The following LRMDA variants were observed in gnomAD, a reference collection of about 807,000 sequenced individuals.
LRMDA encodes leucine rich melanocyte differentiation associated, also known as leucine-rich melanocyte differentiation-associated protein.
Under a neutral mutation model 29.8 loss-of-function variants are expected in LRMDA, and 18 were observed. The observed-to-expected ratio is 0.60, with a 90% CI of 0.42 to 0.90. The LOEUF is 0.90. Ranked by LOEUF, LRMDA falls within the 40% of genes least tolerant of loss-of-function variation. LRMDA has a pLI of 0.00. For missense variants in LRMDA, 273 were observed against 273.9 expected (o/e 1.00, Z 0.02); for synonymous variants, 125 against 109.4 (o/e 1.14, Z -0.89).
intron 2 of LRMDA, among the ~76,000 whole-genome samples, chr10:75,710,262 C>A (rs1295451682): frequency 1.3e-5 from 2 of 152,130 alleles, no homozygotes; most frequent in African/African-American, 4.8e-5. Flanking sequence ...CCCAGCAGGC[C>A]CCAAAGTGTC....
chr10:76,484,306 T>C (rs1208686237), intron 6 of LRMDA, among the ~76,000 whole-genome samples: 3 of 151,848 alleles, frequency 2.0e-5, no homozygotes, highest in Admixed American at 2.0e-4. Context: ...ATTTAGAAGT[T>C]CTTTGCCTTT....
At chr10:75,468,281 G>T in intron 2 of LRMDA, among the ~76,000 whole-genome samples, 1 of 151,784 alleles carries the variant, frequency 6.6e-6, no homozygotes, top group East Asian at 1.9e-4. Context: ...TCCTTTTTTT[G>T]GGGTGCGGGG....
At chr10:76,298,022 T>C (rs1428790148) in intron 5 of LRMDA, among the ~76,000 whole-genome samples, 2 of 152,234 alleles carry the variant, frequency 1.3e-5, no homozygotes, top group African/African-American at 4.8e-5. Context: ...AACTGCCTGT[T>C]GTACGTAACC....
intron 2 of LRMDA, among the ~76,000 whole-genome samples, chr10:75,994,298 T>C (rs906704679): frequency 6.6e-6 from 1 of 152,200 alleles, no homozygotes; most frequent in African/African-American, 2.4e-5. Context: ...CTGTCTGCCA[T>C]TCCATCTGTT....
At chr10:75,443,384 A>G (rs1844352849) in intron 2 of LRMDA, among the ~76,000 whole-genome samples, 1 of 152,062 alleles carries the variant, frequency 6.6e-6, no homozygotes, top group African/African-American at 2.4e-5. Flanking sequence ...TCTATACTTA[A>G]TTTGTTGAGA....
chr10:76,313,562 TC>T (rs1254884242), intron 5 of LRMDA, among the ~76,000 whole-genome samples: 13 of 152,152 alleles, frequency 8.5e-5, no homozygotes, highest in Admixed American at 8.5e-4. Context: ...TTCTTTCCAT[TC>T]CTAGACTATA....
chr10:76,314,598 A>G (rs1840669025), intron 5 of LRMDA, among the ~76,000 whole-genome samples: 1 of 152,196 alleles, frequency 6.6e-6, no homozygotes, highest in African/African-American at 2.4e-5. Flanking sequence ...AATTCAGTAG[A>G]CTCAATTTCA....
At chr10:75,850,766 C>T (rs144410404) in intron 2 of LRMDA, among the ~76,000 whole-genome samples, 18 of 152,134 alleles carry the variant, frequency 1.2e-4, no homozygotes, top group African/African-American at 3.6e-4. Flanking sequence ...TGTGAAGTTT[C>T]GGGGCCTTGG....
At position 75,557,340 on chromosome 10, in the gene LRMDA, G is replaced by A. The variant is rs1217489674; in HGVS notation, c.131+118846G>A. Among the ~76,000 whole-genome samples, 6 of 151,484 alleles carry A rather than the reference G, an allele frequency of 4.0e-5. No homozygotes were observed. In the South Asian group the frequency reaches 8.4e-4, roughly 21 times the overall value. On this transcript the variant is annotated intron_variant, in intron 2 of 6. Transcript: ENST00000611255. ...ATTAAAAAAAAAAAAAAGTAAAATG[G>A]TAGACTTGACTCAGAACTGTATCAA...
chr10:75,832,686 GT>G (rs1410661159), intron 2 of LRMDA, among the ~76,000 whole-genome samples: 1 of 152,216 alleles, frequency 6.6e-6, no homozygotes, highest in Non-Finnish European at 1.5e-5. Context: ...AAAGAAAGAG[GT>G]TTAATTAGAC....
chr10:76,438,907 G>A (rs1283135797), intron 6 of LRMDA: 1 of 151,838 alleles, frequency 6.6e-6, no homozygotes, highest in Non-Finnish European at 1.5e-5. Context: ...CAAATTTCTG[G>A]CAATTTAGAG....
chr10:76,006,983 C>CGCGTGT (rs1847674563), intron 2 of LRMDA, among the ~76,000 whole-genome samples: 1 of 116,126 alleles, frequency 8.6e-6, no homozygotes, highest in Non-Finnish European at 1.7e-5. Flanking sequence ...ATGGAGAAGG[C>CGCGTGT]GTGTGTGTGT....
At chr10:75,954,036 G>A (rs996593845) in intron 2 of LRMDA, among the ~76,000 whole-genome samples, 1 of 152,192 alleles carries the variant, frequency 6.6e-6, no homozygotes, top group Non-Finnish European at 1.5e-5. Flanking sequence ...CGTGACAATG[G>A]AGGGGCTCAC....
At chr10:76,265,183 G>A (rs1021541699) in intron 5 of LRMDA, among the ~76,000 whole-genome samples, 6 of 152,276 alleles carry the variant, frequency 3.9e-5, no homozygotes, top group Non-Finnish European at 7.4e-5. Flanking sequence ...GATCCGGTCC[G>A]TTTATGTCTT....
At chr10:75,515,930 C>T (rs1375397574) in intron 2 of LRMDA, among the ~76,000 whole-genome samples, 1 of 152,116 alleles carries the variant, frequency 6.6e-6, no homozygotes, top group Non-Finnish European at 1.5e-5. Context: ...GTTCAGTTCC[C>T]ACCTATGAGT....
At position 75,916,770 on chromosome 10, in the gene LRMDA, G is replaced by T. The variant is rs569745123; in HGVS notation, c.132-119238G>T. Among the ~76,000 whole-genome samples the T allele has an allele frequency of 2.6e-5, 4 of 152,290 alleles. No individual in the cohort carries two copies. The South Asian group carries it at 8.3e-4, about 32-fold the overall frequency. ...TGCGAAAACACGCTGGTGATTACTTGTTGAGCAAGACCCTGTCAGCTTTTT... is the reference window on the plus strand; with the variant it reads ...TGCGAAAACACGCTGGTGATTACTTTTTGAGCAAGACCCTGTCAGCTTTTT... On this transcript the variant is annotated intron_variant, in intron 2 of 6. Transcript: ENST00000611255.
chr10:75,962,378 A>G (rs1234118234), intron 2 of LRMDA, among the ~76,000 whole-genome samples: 1 of 152,208 alleles, frequency 6.6e-6, no homozygotes, highest in Non-Finnish European at 1.5e-5. Context: ...TTAGAAATGC[A>G]CATTCTCAGG....
At chr10:75,737,687 C>G (rs1404060152) in intron 2 of LRMDA, among the ~76,000 whole-genome samples, 1 of 152,196 alleles carries the variant, frequency 6.6e-6, no homozygotes, top group Non-Finnish European at 1.5e-5. Flanking sequence ...TTAACTCAGC[C>G]TAAGTTGGCT....
At chr10:75,623,977 T>C (rs566515953) in intron 2 of LRMDA, among the ~76,000 whole-genome samples, 1 of 152,322 alleles carries the variant, frequency 6.6e-6, no homozygotes, top group African/African-American at 2.4e-5. Flanking sequence ...ATATCACTTT[T>C]CAACTGTGCA....
Sources: allele counts gnomAD v4.1 joint callset (sites outside exome capture counted in the v4.1 genomes callset), GRCh38; gene constraint gnomAD v4.1.1; transcripts MANE v1.5; gene names NCBI Gene and HGNC (gene_info 2026-07-23, HGNC 2026-07-21).